Variants in ZNF853 observed in about 807,000 individuals in gnomAD.
ZNF853 encodes the protein zinc finger protein 853.
Under a neutral mutation model 94.7 loss-of-function variants are expected in ZNF853, and 57 were observed. The ratio of observed to expected loss-of-function variants is 0.60; its 90% CI spans 0.49 to 0.75. The LOEUF (loss-of-function observed/expected upper bound fraction) is 0.75. Ranked by LOEUF, ZNF853 falls within the 30% of genes least tolerant of loss-of-function variation. The pLI is 0.00. For synonymous variants in ZNF853, 448 were observed against 406.3 expected (o/e 1.10, Z -1.23); for missense variants, 785 against 868.9 (o/e 0.90, Z 1.21).
At chr7:6,616,297 C>T in intron 1 of ZNF853, 111 bp downstream of exon 1, 8 of 1,136,052 alleles carry the variant, frequency 7.0e-6, no homozygotes, top group Non-Finnish European at 8.7e-6. Flanking sequence ...CAGCTCTGCA[C>T]GGGCCAGGGT....
At position 6,621,805 on chromosome 7, in the gene ZNF853, GCA is replaced by G; in HGVS notation, c.817_818del (p.Gln273ValfsTer237). ...ACAGCAGCTGCTGGAACAGCAGCAGGCACAGTTACAGCAGCAGCTACTGCTGC... is the reference window on the plus strand; with the variant it reads ...ACAGCAGCTGCTGGAACAGCAGCAGGCAGTTACAGCAGCAGCTACTGCTGC... ...LQQQLLEQQQ[A>X]QLQQQLLLQQ... is the part of the protein sequence containing the mutation. On this transcript the variant is annotated frameshift_variant, in exon 3 of 3. Transcript: ENST00000457543. LOFTEE classifies it high-confidence loss of function. The G allele has an allele frequency of 1.3e-6, 2 of 1,550,416 alleles. No individual in the cohort carries two copies. The highest frequency in any genetic ancestry group is 1.2e-5 in the South Asian group (1 of 84,002).
At position 6,623,022 on chromosome 7, in the gene ZNF853, A is replaced by G; in HGVS notation, c.*51A>G. 1 of 1,235,248 alleles carries G rather than the reference A, an allele frequency of 8.1e-7. No individual in the cohort carries two copies. Among genetic ancestry groups the G allele is most frequent in the Non-Finnish European group, 1.0e-6 (1 of 989,924 alleles). The allele number at this position is 1,235,248 out of a possible 1,614,324, so 76.5% of individuals were successfully genotyped here. A position where few individuals can be genotyped will look rare whatever the true frequency, so the allele number is the denominator to read the frequency against. On this transcript the variant is annotated 3_prime_UTR_variant, in exon 3 of 3. Coordinates refer to ENST00000457543, the MANE Select transcript of ZNF853 (RefSeq NM_017560.3). Reference sequence around the variant, plus strand: ...GGGAGGGGACCCCCCACCCGCCTCCACCTGAAAAGCTCCTTGACCCGGGTT... The same window carrying G: ...GGGAGGGGACCCCCCACCCGCCTCCGCCTGAAAAGCTCCTTGACCCGGGTT...
chr7:6,624,261 CG>C lies in ZNF853; in HGVS notation c.*1291del, dbSNP rs2115295106. On this transcript the variant is annotated 3_prime_UTR_variant, in exon 3 of 3. Transcript: ENST00000457543. Reference sequence around the variant, plus strand: ...TGTGTTGGTAAGTGAGAAACAGAAACGAAAAATAAATTAAAATGCAGAAATA... The same window carrying C: ...TGTGTTGGTAAGTGAGAAACAGAAACAAAAATAAATTAAAATGCAGAAATA... 6.6e-6 allele frequency: 1 copy of C among 152,212 alleles called. No individual in the cohort carries two copies. The highest frequency in any genetic ancestry group is 1.9e-4 in the East Asian group (1 of 5,176). The allele number at this position is 152,212 out of a possible 1,614,324, so 9.4% of individuals were successfully genotyped here.
chr7:6,619,357 T>C, intron 2 of ZNF853, among the ~76,000 whole-genome samples: 2 of 151,974 alleles, frequency 1.3e-5, no homozygotes, highest in African/African-American at 2.4e-5. Context: ...CTGCAACCTC[T>C]GCCTTTCAGG....
At chr7:6,619,445 G>T in intron 2 of ZNF853, among the ~76,000 whole-genome samples, 7 of 151,750 alleles carry the variant, frequency 4.6e-5, no homozygotes, top group African/African-American at 1.5e-4. Flanking sequence ...CTAATTTTTT[G>T]TATTTTAGTA....
chr7:6,617,076 T>G, intron 1 of ZNF853, 114 bp from the exon 2 acceptor site: 1 of 730,106 alleles, frequency 1.4e-6, no homozygotes, highest in Non-Finnish European at 2.2e-6. Flanking sequence ...GGTATGGAGC[T>G]GACCGCTCTG....
intron 2 of ZNF853, among the ~76,000 whole-genome samples, chr7:6,619,331 G>A: frequency 6.6e-6 from 1 of 152,032 alleles, no homozygotes; most frequent in African/African-American, 2.4e-5. Context: ...GAGTGCACTG[G>A]CGTGATCTCA....
Position 6,623,631 on chromosome 7 carries a change from G to A in ZNF853, c.*660G>A. 1 of 314,758 alleles carries A rather than the reference G, an allele frequency of 3.2e-6. No homozygotes were observed. The allele number at this position is 314,758 out of a possible 1,614,324, so 19.5% of individuals were successfully genotyped here. A position where few individuals can be genotyped will look rare whatever the true frequency, so the allele number is the denominator to read the frequency against. On this transcript the variant is annotated 3_prime_UTR_variant, in exon 3 of 3. Transcript: ENST00000457543. ...CCAGGAAGTCCTGCTCCGGGTGGAA[G>A]GTAAAACCTTCCCTCCAGGGAACCA...
intron 2 of ZNF853, 86 bp from the exon 3 acceptor site, chr7:6,621,036 G>T: frequency 2.1e-6 from 3 of 1,426,476 alleles, no homozygotes; most frequent in Non-Finnish European, 2.8e-6. Flanking sequence ...ATCTTTGAGG[G>T]CAGGGTAAGG....
intron 2 of ZNF853, among the ~76,000 whole-genome samples, chr7:6,619,706 T>C: frequency 1.8e-4 from 27 of 152,180 alleles, no homozygotes; most frequent in African/African-American, 6.3e-4. Flanking sequence ...GAAATCAGAG[T>C]TGGGAACGGA....
At chr7:6,620,607 T>C in intron 2 of ZNF853, among the ~76,000 whole-genome samples, 6 of 151,730 alleles carry the variant, frequency 4.0e-5, no homozygotes, top group African/African-American at 1.5e-4. Context: ...CTTCCTTTCT[T>C]TCTCTCTCTC....
In ZNF853 at chr7:6,622,300, C is replaced by T. The variant is rs1453762381; in HGVS notation, c.1309C>T (p.Pro437Ser). The part of the protein sequence containing the change: ...PGAPAAVVVA[P>S]PGYVVVQELM... ...GGCTCCGGCCGCGGTCGTGGTGGCT[C>T]CCCCGGGCTACGTGGTGGTGCAGGA... is the stretch of plus-strand genomic sequence containing the variant. Residue 437 changes from proline (P) to serine (S), a missense_variant, in exon 3 of 3, where the codon CCC becomes TCC. Coordinates refer to ENST00000457543, the MANE Select transcript of ZNF853 (RefSeq NM_017560.3). 1.4e-5 allele frequency: 21 copies of T among 1,506,560 alleles called. No individual in the cohort carries two copies. The highest frequency in any genetic ancestry group is 4.2e-5 in the African/African-American group (3 of 71,426). The allele number at this position is 1,506,560 out of a possible 1,614,324, so 93.3% of individuals were successfully genotyped here. A position where few individuals can be genotyped will look rare whatever the true frequency, so the allele number is the denominator to read the frequency against.
At position 6,621,186 on chromosome 7, in the gene ZNF853, G is replaced by A; in HGVS notation, c.195G>A (p.Gln65=). Residue 65 remains glutamine (Q), a synonymous_variant, in exon 3 of 3, where the codon CAG becomes CAA. Coordinates refer to ENST00000457543, the MANE Select transcript of ZNF853 (RefSeq NM_017560.3). ...EEPQERNSSP[Q]RPAVSAPVGA... ...CTCAGGAGAGGAACAGCAGTCCACA[G>A]CGGCCAGCAGTCTCGGCCCCAGTGG... 2.0e-6 allele frequency: 3 copies of A among 1,506,778 alleles called. No homozygotes were observed. Among genetic ancestry groups the A allele is most frequent in the Non-Finnish European group, 2.7e-6 (3 of 1,126,154 alleles). The allele number at this position is 1,506,778 out of a possible 1,614,324, so 93.3% of individuals were successfully genotyped here.
At position 6,621,833 on chromosome 7, in the gene ZNF853, A is replaced by T; in HGVS notation, c.842A>T (p.Gln281Leu). 1 of 1,550,704 alleles carries T rather than the reference A, an allele frequency of 6.4e-7. No individual in the cohort carries two copies. The highest frequency in any genetic ancestry group is 1.2e-5 in the South Asian group (1 of 84,014). ...CAGTTACAGCAGCAGCTACTGCTGCAGCAGCAGGAACAGTTACAGCAGCAG... is the reference window on the plus strand; with the variant it reads ...CAGTTACAGCAGCAGCTACTGCTGCTGCAGCAGGAACAGTTACAGCAGCAG... ...QAQLQQQLLLQQQEQLQQQQQ... is the reference protein window; with the variant it reads ...QAQLQQQLLLLQQEQLQQQQQ... Residue 281 changes from glutamine (Q) to leucine (L), a missense_variant, in exon 3 of 3, where the codon CAG (glutamine) becomes CTG (leucine). Coordinates refer to ENST00000457543, the MANE Select transcript of ZNF853 (RefSeq NM_017560.3).
chr7:6,617,669 A>G, intron 2 of ZNF853: 1 of 984,958 alleles, frequency 1.0e-6, no homozygotes, highest in African/African-American at 1.7e-5. Flanking sequence ...TCAGGTACTA[A>G]TAGGCTCTCT....
intron 2 of ZNF853, among the ~76,000 whole-genome samples, chr7:6,620,578 T>C: frequency 1.3e-5 from 2 of 151,500 alleles, no homozygotes; most frequent in Non-Finnish European, 2.9e-5. Context: ...TTCCTTCCCT[T>C]CCTTCCCTTT....
chr7:6,621,470 A>G lies in ZNF853; in HGVS notation c.479A>G (p.Gln160Arg), dbSNP rs977490886. 1.7e-5 allele frequency: 26 copies of G among 1,551,806 alleles called. No individual in the cohort carries two copies. Among genetic ancestry groups the G allele is most frequent in the Non-Finnish European group, 2.2e-5 (25 of 1,147,004 alleles). Residue 160 changes from glutamine (Q) to arginine (R), a missense_variant, in exon 3 of 3, where the codon CAG becomes CGG. By Grantham distance (43) the Gln-to-Arg change is conservative (BLOSUM62 1). Coordinates refer to ENST00000457543, the MANE Select transcript of ZNF853 (RefSeq NM_017560.3). ...CTAATGCACCAGCAGCAACAGTTAC[A>G]GCCACAGCAAGTGCAAGAGCAACAG... is the stretch of plus-strand genomic sequence containing the variant. ...LQLMHQQQQL[Q>R]PQQVQEQQRL...
At position 6,622,095 on chromosome 7, in the gene ZNF853, G is replaced by T. The variant is rs941990868; in HGVS notation, c.1104G>T (p.Leu368=). The part of the protein sequence containing the change: ...QLKLQEELQQ[L]EQQLEQQQQQ... Reference sequence around the variant, plus strand: ...AACTGCAGGAGGAGCTGCAGCAGCTGGAGCAACAGCTGGAGCAGCAGCAGC... The same window carrying T: ...AACTGCAGGAGGAGCTGCAGCAGCTTGAGCAACAGCTGGAGCAGCAGCAGC... Residue 368 remains leucine (L), a synonymous_variant, in exon 3 of 3, where the codon CTG becomes CTT. Transcript: ENST00000457543. 6 of 1,546,528 alleles carry T rather than the reference G, an allele frequency of 3.9e-6. No homozygotes were observed. The East Asian group carries it at 1.2e-4, about 32-fold the overall frequency.
rs1313772552 is a variant in ZNF853, at chr7:6,621,933, C to G, written c.942C>G (p.Pro314=). ...QQQLQPPPLE[P]EEEEEVELEL... is the part of the protein sequence containing the mutation. ...AACTGCAGCCTCCTCCCCTGGAGCCCGAGGAGGAGGAAGAGGTGGAGCTGG... is the reference window on the plus strand; with the variant it reads ...AACTGCAGCCTCCTCCCCTGGAGCCGGAGGAGGAGGAAGAGGTGGAGCTGG... Residue 314 remains proline (P), a synonymous_variant, in exon 3 of 3, where the codon CCC becomes CCG. Transcript: ENST00000457543. The G allele has an allele frequency of 1.3e-6, 2 of 1,551,116 alleles. No homozygotes were observed. Among genetic ancestry groups the G allele is most frequent in the Admixed American group, 3.9e-5 (2 of 51,002 alleles).
Sources: gnomAD v4.1 joint callset for allele counts (sites outside exome capture counted in the v4.1 genomes callset) on GRCh38, gnomAD v4.1.1 for gene constraint, MANE v1.5 for transcripts, NCBI Gene and HGNC (gene_info 2026-07-23, HGNC 2026-07-21) for gene names.